Variants in RAPGEF4 observed in about 807,000 individuals in gnomAD.
RAPGEF4 encodes Rap guanine nucleotide exchange factor 4, also known as RAP guanine-nucleotide-exchange factor (GEF) 4.
In RAPGEF4, 66 loss-of-function variants were observed where a neutral mutation model predicts 147.9. That is an observed-to-expected ratio of 0.45 (90% CI 0.37 to 0.55). The LOEUF (loss-of-function observed/expected upper bound fraction) is 0.55. Among genes scored for constraint, RAPGEF4 ranks in the 20% least tolerant of loss-of-function variants. The pLI, the probability that RAPGEF4 is intolerant of heterozygous loss-of-function variation, is 0.00. For synonymous variants in RAPGEF4, 419 were observed against 442.7 expected, an observed-to-expected ratio of 0.95 and a Z score of 0.67; for missense variants, 1,071 against 1,257.3, an observed-to-expected ratio of 0.85 and a Z score of 2.24.
intron 10 of RAPGEF4, among the ~76,000 whole-genome samples, chr2:172,980,061 A>G (rs1691514594): frequency 1.3e-5 from 2 of 152,228 alleles, no homozygotes; most frequent in Admixed American, 6.5e-5. Flanking sequence ...AGGCAGAACA[A>G]AAGTATTTTA....
intron 10 of RAPGEF4, among the ~76,000 whole-genome samples, chr2:172,969,513 C>A (rs1019460600): frequency 1.7e-4 from 26 of 152,320 alleles, no homozygotes; most frequent in African/African-American, 6.0e-4. Flanking sequence ...TAAACCTTTG[C>A]TGAGTGAGTG....
chr2:172,797,188 A>G (rs1220393731), intron 2 of RAPGEF4, among the ~76,000 whole-genome samples: 2 of 152,238 alleles, frequency 1.3e-5, no homozygotes, highest in Non-Finnish European at 2.9e-5. Context: ...TAGAAAACAC[A>G]TTGCTTTTAA....
chr2:173,041,847 C>T (rs1022623392), intron 29 of RAPGEF4, among the ~76,000 whole-genome samples: 1 of 152,180 alleles, frequency 6.6e-6, no homozygotes, highest in African/African-American at 2.4e-5. Context: ...CCCCAGTTGT[C>T]TGCTGTCTGG....
intron 4 of RAPGEF4, among the ~76,000 whole-genome samples, chr2:172,836,537 G>T (rs1321143355): frequency 6.6e-6 from 1 of 152,210 alleles, no homozygotes; most frequent in Admixed American, 6.5e-5. Context: ...GGTAAGAAGG[G>T]TATTGTCCTG....
intron 4 of RAPGEF4, among the ~76,000 whole-genome samples, chr2:172,833,260 GTTT>G (rs11335525): frequency 3.3e-4 from 42 of 126,834 alleles, no homozygotes; most frequent in East Asian, 1.1e-3. Context: ...AGAGGTTTGG[GTTT>G]TTTTTTTTTT....
At chr2:172,821,705 AG>A (rs1484538119) in intron 4 of RAPGEF4, 55 of 1,012,456 alleles carry the variant, frequency 5.4e-5, no homozygotes, top group Middle Eastern at 8.3e-4. Flanking sequence ...CCAGAAAGGA[AG>A]GGAGTGAAGT....
At chr2:173,041,588 TA>T (rs2106043551) in intron 29 of RAPGEF4, among the ~76,000 whole-genome samples, 1 of 152,310 alleles carries the variant, frequency 6.6e-6, no homozygotes, top group South Asian at 2.1e-4. Flanking sequence ...ACAATAGTAA[TA>T]AAAGATGTCA....
chr2:173,034,061 C>T (rs1683584772), intron 27 of RAPGEF4, 97 bp downstream of exon 27: 2 of 1,148,298 alleles, frequency 1.7e-6, no homozygotes, highest in East Asian at 2.5e-5. Context: ...TTTTATCTGT[C>T]CTTATATGAC....
intron 6 of RAPGEF4, among the ~76,000 whole-genome samples, chr2:172,960,082 G>C (rs1689131998): frequency 6.6e-6 from 1 of 152,106 alleles, no homozygotes; most frequent in African/African-American, 2.4e-5. Flanking sequence ...AACAGAGCAA[G>C]ACCCCATCTA....
At chr2:172,858,904 G>C (rs1394767137) in intron 4 of RAPGEF4, among the ~76,000 whole-genome samples, 2 of 152,148 alleles carry the variant, frequency 1.3e-5, no homozygotes, top group African/African-American at 4.8e-5. Context: ...TTTGGGGGGT[G>C]CGGTTGGGGA....
chr2:172,835,398 C>G (rs1559066855), intron 4 of RAPGEF4, among the ~76,000 whole-genome samples: 2 of 152,302 alleles, frequency 1.3e-5, no homozygotes, highest in Non-Finnish European at 1.5e-5. Context: ...GCAAACATAT[C>G]CAACAATATG....
At chr2:172,828,086 G>A (rs1689875604) in intron 4 of RAPGEF4, among the ~76,000 whole-genome samples, 1 of 152,070 alleles carries the variant, frequency 6.6e-6, no homozygotes, top group Admixed American at 6.5e-5. Flanking sequence ...TTGCAGAAAT[G>A]AACAACTTGT....
chr2:172,863,856 A>G (rs1437675877), intron 4 of RAPGEF4, among the ~76,000 whole-genome samples: 1 of 152,234 alleles, frequency 6.6e-6, no homozygotes, highest in East Asian at 1.9e-4. Flanking sequence ...GTACAATTGC[A>G]ATAAAAATTA....
chr2:172,926,044 AGG>A, intron 6 of RAPGEF4, among the ~76,000 whole-genome samples: 1 of 46,928 alleles, frequency 2.1e-5, no homozygotes, highest in South Asian at 1.1e-3. Context: ...GGAGGGAGGG[AGG>A]GAGGGAGGGA....
At chr2:173,016,576 A>G in intron 19 of RAPGEF4, 139 bp downstream of exon 19, 1 of 671,504 alleles carries the variant, frequency 1.5e-6, no homozygotes, top group South Asian at 1.8e-5. Flanking sequence ...GGCTGAGGGC[A>G]TAGGTGGTGC....
chr2:172,874,185 A>G (rs1307642024), intron 4 of RAPGEF4, among the ~76,000 whole-genome samples: 2 of 152,236 alleles, frequency 1.3e-5, no homozygotes, highest in African/African-American at 2.4e-5. Flanking sequence ...TGACCCAGCA[A>G]TCCCATTACT....
intron 3 of RAPGEF4, 117 bp downstream of exon 3, chr2:172,797,730 A>T: frequency 3.9e-6 from 3 of 765,128 alleles, no homozygotes; most frequent in Non-Finnish European, 6.4e-6. Context: ...TCCCACAATA[A>T]GGAGTTCAGC....
At chr2:172,763,276 TA>T (rs1696515751) in intron 1 of RAPGEF4, among the ~76,000 whole-genome samples, 2 of 152,248 alleles carry the variant, frequency 1.3e-5, no homozygotes, top group Admixed American at 1.3e-4. Context: ...AAAGAATTTT[TA>T]TAAAGCCTTT....
intron 4 of RAPGEF4, among the ~76,000 whole-genome samples, chr2:172,821,275 G>A (rs142841432): frequency 4.5e-4 from 68 of 152,188 alleles, no homozygotes; most frequent in African/African-American, 1.2e-3. Flanking sequence ...AGGAATGCCC[G>A]GCCCACCTGC....
Sources: gnomAD v4.1 joint callset for allele counts (sites outside exome capture counted in the v4.1 genomes callset) on GRCh38, gnomAD v4.1.1 for gene constraint, MANE v1.5 for transcripts, NCBI Gene and HGNC (gene_info 2026-07-23, HGNC 2026-07-21) for gene names.